The following ADCY5 variants were observed in gnomAD, a reference collection of about 807,000 sequenced individuals.
The protein encoded by ADCY5 is adenylate cyclase 5.
ADCY5 carries 30 observed loss-of-function variants against 119.7 expected under a neutral mutation model. The ratio of observed to expected loss-of-function variants is 0.25; its 90% CI spans 0.19 to 0.34. ADCY5 has a LOEUF of 0.34. Among genes scored for constraint, ADCY5 ranks in the 10% least tolerant of loss-of-function variants. ADCY5 has a pLI of 1.00. For missense variants in ADCY5, 1,324 were observed against 1,775.2 expected, an observed-to-expected ratio of 0.75 and a Z score of 4.57; for synonymous variants, 753 against 762.2, an observed-to-expected ratio of 0.99 and a Z score of 0.20.
At chr3:123,353,513 C>T (rs1467368000) in intron 1 of ADCY5, among the ~76,000 whole-genome samples, 1 of 152,152 alleles carries the variant, frequency 6.6e-6, no homozygotes, top group African/African-American at 2.4e-5. Context: ...TGCTCCGGCT[C>T]CTAGGCTGTG....
intron 12 of ADCY5, among the ~76,000 whole-genome samples, chr3:123,310,189 C>T (rs1177168285): frequency 6.6e-6 from 1 of 150,990 alleles, no homozygotes; most frequent in Admixed American, 6.6e-5. Context: ...CTATCTGTAC[C>T]TAAGTCCCAA....
At chr3:123,293,026 A>G in intron 17 of ADCY5, among the ~76,000 whole-genome samples, 1 of 152,138 alleles carries the variant, frequency 6.6e-6, no homozygotes, top group East Asian at 1.9e-4. Context: ...TGCTACAGCC[A>G]CCTCTGCAAA....
intron 1 of ADCY5, among the ~76,000 whole-genome samples, chr3:123,408,564 A>G (rs1382613728): frequency 6.6e-6 from 1 of 151,878 alleles, no homozygotes; most frequent in African/African-American, 2.4e-5. Flanking sequence ...GCTGAGGCGG[A>G]AGAATCACTT....
At chr3:123,375,759 T>C (rs1943806099) in intron 1 of ADCY5, among the ~76,000 whole-genome samples, 3 of 152,188 alleles carry the variant, frequency 2.0e-5, no homozygotes, top group African/African-American at 7.2e-5. Context: ...GGATAGGGCA[T>C]TTGTGTAGCA....
In ADCY5 at chr3:123,379,368, G is replaced by C. The variant is rs553622810; in HGVS notation, c.1135-26787C>G. ...CCCCGGAGTGGGGTTTGGGGAAGTG[G>C]GGGAGCATGACCTTCCTGGACCATG... On this transcript the variant is annotated intron_variant, in intron 1 of 20. Transcript: ENST00000462833. Among the ~76,000 whole-genome samples the C allele has an allele frequency of 2.6e-5, 4 of 152,170 alleles. No homozygotes were observed. The East Asian group carries it at 5.8e-4, about 22-fold the overall frequency.
chr3:123,406,953 C>T (rs1268420804), intron 1 of ADCY5, among the ~76,000 whole-genome samples: 1 of 152,218 alleles, frequency 6.6e-6, no homozygotes, highest in East Asian at 1.9e-4. Context: ...GGACCTTTTC[C>T]ATCTGGGCAC....
chr3:123,413,084 C>T (rs112883500), intron 1 of ADCY5, among the ~76,000 whole-genome samples: 13 of 152,192 alleles, frequency 8.5e-5, no homozygotes, highest in East Asian at 1.9e-4. Context: ...TCCTCCGGGA[C>T]GGGACCAGGC....
chr3:123,383,857 G>A (rs906044715), intron 1 of ADCY5, among the ~76,000 whole-genome samples: 7 of 148,592 alleles, frequency 4.7e-5, no homozygotes, highest in East Asian at 4.0e-4. Flanking sequence ...CTCAAGGCAC[G>A]CACACACACA....
At chr3:123,337,849 G>C (rs1297288433) in intron 3 of ADCY5, among the ~76,000 whole-genome samples, 1 of 152,172 alleles carries the variant, frequency 6.6e-6, no homozygotes, top group African/African-American at 2.4e-5. Flanking sequence ...TTGTTGAAAG[G>C]AAGGAAACTT....
intron 1 of ADCY5, among the ~76,000 whole-genome samples, chr3:123,442,891 G>A (rs1445656509): frequency 6.6e-6 from 1 of 152,210 alleles, no homozygotes; most frequent in African/African-American, 2.4e-5. Context: ...GGCAAGAGAA[G>A]CAGACCCTCC....
chr3:123,368,168 T>C, intron 1 of ADCY5: 1 of 772,102 alleles, frequency 1.3e-6, no homozygotes, highest in Non-Finnish European at 1.9e-6. Flanking sequence ...AATGCGCTCA[T>C]CTCTATAATG....
chr3:123,330,080 C>T (rs1036857302), intron 5 of ADCY5, among the ~76,000 whole-genome samples: 1 of 152,246 alleles, frequency 6.6e-6, no homozygotes, highest in African/African-American at 2.4e-5. Flanking sequence ...CCTGGTCTCT[C>T]TCCCTTAAGG....
At chr3:123,373,899 A>G (rs1378895155) in intron 1 of ADCY5, among the ~76,000 whole-genome samples, 1 of 152,014 alleles carries the variant, frequency 6.6e-6, no homozygotes. Flanking sequence ...TTTGGTTCCT[A>G]TAAAATCAGG....
At chr3:123,306,104 G>C (rs961379468) in intron 12 of ADCY5, among the ~76,000 whole-genome samples, 5 of 152,222 alleles carry the variant, frequency 3.3e-5, no homozygotes, top group Admixed American at 6.5e-5. Flanking sequence ...AATAAAAAGA[G>C]ACCCTCTGAC....
intron 3 of ADCY5, among the ~76,000 whole-genome samples, chr3:123,345,761 G>GACACAC (rs1491583420): frequency 3.0e-3 from 109 of 36,014 alleles, no homozygotes; most frequent in African/African-American, 0.011. Flanking sequence ...CAGACAGACA[G>GACACAC]ACAGACAGAC....
chr3:123,368,059 G>A (rs548753642), intron 1 of ADCY5: 1 of 1,453,188 alleles, frequency 6.9e-7, no homozygotes, highest in African/African-American at 1.4e-5. Flanking sequence ...GGGGGAGAGA[G>A]GCAGGAAGAT....
At chr3:123,301,815 G>C (rs72964522) in intron 14 of ADCY5, among the ~76,000 whole-genome samples, 1 of 152,200 alleles carries the variant, frequency 6.6e-6, no homozygotes, top group Admixed American at 6.5e-5. Context: ...CCAGATATGA[G>C]AGGCAGCAGA....
intron 1 of ADCY5, among the ~76,000 whole-genome samples, chr3:123,444,901 C>G (rs1430937898): frequency 2.0e-5 from 3 of 152,210 alleles, no homozygotes; most frequent in Non-Finnish European, 2.9e-5. Context: ...CTAATCCCAA[C>G]CACTCTTACA....
chr3:123,368,131 G>T, intron 1 of ADCY5: 1 of 1,174,692 alleles, frequency 8.5e-7, no homozygotes, highest in Non-Finnish European at 1.2e-6. Context: ...GTGACTCGGA[G>T]CCAGTCATGC....
Sources: gnomAD v4.1 joint callset for allele counts (sites outside exome capture counted in the v4.1 genomes callset) on GRCh38, gnomAD v4.1.1 for gene constraint, MANE v1.5 for transcripts, NCBI Gene and HGNC (gene_info 2026-07-23, HGNC 2026-07-21) for gene names.